The following CRMP1 variants were observed in gnomAD, a reference collection of about 807,000 sequenced individuals.
CRMP1 encodes the protein collapsin response mediator protein 1, also known as dihydropyrimidinase-related protein 1.
A neutral mutation model predicts 68.3 loss-of-function variants in CRMP1; 19 were observed. The observed-to-expected ratio is 0.28, with a 90% CI of 0.19 to 0.41. CRMP1 has a LOEUF of 0.41. Ranked by LOEUF, CRMP1 falls within the 10% of genes least tolerant of loss-of-function variation. The probability of loss-of-function intolerance (pLI) is 1.00; values close to 1 mark genes in which losing one functional copy is unlikely to be tolerated. For synonymous variants in CRMP1, 439 were observed against 399.6 expected, an observed-to-expected ratio of 1.10 and a Z score of -1.18; for missense variants, 791 against 967.4, an observed-to-expected ratio of 0.82 and a Z score of 2.42.
intron 3 of CRMP1, 34 bp from the exon 4 acceptor site, chr4:5,856,341 G>C: frequency 1.2e-6 from 2 of 1,602,718 alleles, no homozygotes; most frequent in Non-Finnish European, 8.5e-7. Context: ...TGATGCTTCA[G>C]ACTCAAGTGT....
intron 1 of CRMP1, among the ~76,000 whole-genome samples, chr4:5,876,700 C>T (rs1577837817): frequency 6.6e-6 from 1 of 152,076 alleles, no homozygotes; most frequent in Non-Finnish European, 1.5e-5. Flanking sequence ...AGCTGATATT[C>T]GCAATTCAAA....
intron 11 of CRMP1, among the ~76,000 whole-genome samples, chr4:5,830,602 A>G (rs113349605): frequency 5.9e-5 from 9 of 152,320 alleles, no homozygotes; most frequent in African/African-American, 1.9e-4. Flanking sequence ...ATCGTTTCCT[A>G]ATTCTAATTG....
rs1242016505 is a variant in CRMP1 at position 5,843,534 on chromosome 4, T to C, written c.964-373A>G. ...GTGGTGTTTGGGTACAACATGGATATCTTCAACTAGGAATCCTACTCTAGT... is the reference window on the plus strand; with the variant it reads ...GTGGTGTTTGGGTACAACATGGATACCTTCAACTAGGAATCCTACTCTAGT... On this transcript the variant is annotated intron_variant, in intron 6 of 13. Transcript: ENST00000324989. The surrounding 1 kb of genome is among the most constrained non-coding windows in gnomAD (Gnocchi z 4.1). Among the ~76,000 whole-genome samples, 2 of 152,096 alleles carry C rather than the reference T, an allele frequency of 1.3e-5. No homozygotes were observed. Among genetic ancestry groups the C allele is most frequent in the Non-Finnish European group, 2.9e-5 (2 of 68,018 alleles).
In CRMP1 at chr4:5,835,966, G is replaced by T. The variant is rs61034456; in HGVS notation, c.1572C>A (p.Val524=). Residue 524 remains valine, a synonymous_variant, in exon 11 of 14, where the codon GTC becomes GTA. Coordinates refer to ENST00000324989, the MANE Select transcript of CRMP1 (RefSeq NM_001014809.3). ...RIAVGSDADV[V]IWDPDKLKTI... ...TCTTCAACTTGTCGGGGTCCCAGAT[G>T]ACCACGTCGGCATCCGAGCCCACGG... 3,372 of 1,594,474 alleles carry T rather than the reference G, an allele frequency of 2.1e-3. 65 individuals are homozygous for T. In the African/African-American group the frequency reaches 0.037, roughly 18 times the overall value.
chr4:5,872,065 T>C lies in CRMP1; in HGVS notation c.382-5309A>G, dbSNP rs1436343253. On this transcript the variant is annotated intron_variant, in intron 1 of 13. Transcript: ENST00000324989. This position sits in a 1 kb window ranked among gnomAD's most constrained non-coding sequence, Gnocchi z 4.6. ...GTCCAGCATTCCAGCCACCAAGCCA[T>C]GCTTCTGTCCCATGTTTAAACATTC... Among the ~76,000 whole-genome samples the C allele has an allele frequency of 6.6e-6, 1 of 152,144 alleles. No homozygotes were observed. Among genetic ancestry groups the C allele is most frequent in the Non-Finnish European group, 1.5e-5 (1 of 68,034 alleles).
rs548521299 is a variant in CRMP1 at position 5,844,803 on chromosome 4, G to C, written c.964-1642C>G. Among the ~76,000 whole-genome samples, 9 of 151,334 alleles carry C rather than the reference G, an allele frequency of 5.9e-5. 1 individual carries two copies. The highest frequency in any genetic ancestry group is 2.2e-4 in the African/African-American group (9 of 41,150). ...AAACTGTGTAGCAGTAACCACTAAC[G>C]CTGAATCTACACACACCCTAGGACC... On this transcript the variant is annotated intron_variant, in intron 6 of 13. Transcript: ENST00000324989.
intron 13 of CRMP1, chr4:5,824,206 G>T: frequency 1.3e-6 from 1 of 761,862 alleles, no homozygotes; most frequent in Non-Finnish European, 1.6e-6. Flanking sequence ...CAAACTCCTT[G>T]AGAGCTTGTG....
rs76421762 is a variant in CRMP1 at position 5,839,031 on chromosome 4, G to A, written c.1310+491C>T. ...TGAGGTGCTGGGCTCCACAGTGTGC[G>A]TGCACCACAGCAAGTGTGCTGCAGG... On this transcript the variant is annotated intron_variant, in intron 9 of 13. Coordinates refer to ENST00000324989, the MANE Select transcript of CRMP1 (RefSeq NM_001014809.3). 2.0e-3 allele frequency among the ~76,000 whole-genome samples: 309 copies of A among 152,312 alleles called. 2 individuals are homozygous for A. Among genetic ancestry groups the A allele is most frequent in the African/African-American group, 6.5e-3 (272 of 41,580 alleles).
chr4:5,825,421 C>T lies in CRMP1; in HGVS notation c.1969+73G>A, dbSNP rs894089180. 42 of 1,495,222 alleles carry T rather than the reference C, an allele frequency of 2.8e-5. No individual in the cohort carries two copies. The South Asian group carries it at 5.2e-4, about 18-fold the overall frequency. 92.6% of individuals were successfully genotyped at this position (1,495,222 alleles called of 1,614,324 possible). ...GTGTCCAAGGCCACGTGTCCATTTCCTCAGAAGCAGCAGGAAGGACTCGGC... is the reference window on the plus strand; with the variant it reads ...GTGTCCAAGGCCACGTGTCCATTTCTTCAGAAGCAGCAGGAAGGACTCGGC... On this transcript the variant is annotated intron_variant, in intron 13 of 13. Transcript: ENST00000324989. This position sits in a 1 kb window ranked among gnomAD's most constrained non-coding sequence, Gnocchi z 4.4.
intron 6 of CRMP1, among the ~76,000 whole-genome samples, chr4:5,846,387 G>A (rs1159365132): frequency 6.6e-6 from 1 of 152,224 alleles, no homozygotes; most frequent in Non-Finnish European, 1.5e-5. Context: ...CAGGGCCTCT[G>A]GGAAGCTTGC....
rs1713267006 is a variant in CRMP1, at chr4:5,858,103, A to G, written c.656-1796T>C. Among the ~76,000 whole-genome samples the G allele has an allele frequency of 6.6e-6, 1 of 152,124 alleles. No homozygotes were observed. The highest frequency in any genetic ancestry group is 6.5e-5 in the Admixed American group (1 of 15,276). On this transcript the variant is annotated intron_variant, in intron 3 of 13. Coordinates refer to ENST00000324989, the MANE Select transcript of CRMP1 (RefSeq NM_001014809.3). This position sits in a 1 kb window ranked among gnomAD's most constrained non-coding sequence, Gnocchi z 5.5. ...AGTCTCTTGGCCTCTCAGGGCACAG[A>G]GAGTCCCTCCCTCCTTCCTTAAACT...
intron 12 of CRMP1, among the ~76,000 whole-genome samples, chr4:5,827,714 CAT>C (rs201912433): frequency 0.014 from 2,106 of 148,552 alleles, 26 homozygotes; most frequent in South Asian, 0.041. Flanking sequence ...CACGCATAGA[CAT>C]ACACACATGT....
At chr4:5,868,261 C>CTATATCTATATA (rs1553907487) in intron 1 of CRMP1, among the ~76,000 whole-genome samples, 6 of 111,458 alleles carry the variant, frequency 5.4e-5, no homozygotes, top group African/African-American at 1.7e-4. Context: ...GACTATATAT[C>CTATATCTATATA]TATATATATA....
In CRMP1 at chr4:5,825,815, T is replaced by TCA. The variant is rs1719484402; in HGVS notation, c.1804-158_1804-157dup. On this transcript the variant is annotated intron_variant, in intron 12 of 13. Transcript: ENST00000324989. This position sits in a 1 kb window ranked among gnomAD's most constrained non-coding sequence, Gnocchi z 4.4. The stretch of plus-strand genomic sequence containing the variant: ...AACACGCACACACGACAGGTGCACT[T>TCA]CACACACATGCAGCCGCACACAGGC... The TCA allele has an allele frequency of 4.0e-5, 28 of 693,414 alleles. 1 individual carries two copies. In the South Asian group the frequency reaches 5.3e-4, roughly 13 times the overall value. The allele number at this position is 693,414 out of a possible 1,614,324, so 43.0% of individuals were successfully genotyped here. A position where few individuals can be genotyped will look rare whatever the true frequency, so the allele number is the denominator to read the frequency against.
At position 5,825,896 on chromosome 4, in the gene CRMP1, T is replaced by C. The variant is rs73206229; in HGVS notation, c.1804-237A>G. 18,835 of 532,272 alleles carry C rather than the reference T, an allele frequency of 0.035. 435 individuals are homozygous for C. Among genetic ancestry groups the C allele is most frequent in the African/African-American group, 0.056 (2,820 of 50,112 alleles). The allele number at this position is 532,272 out of a possible 1,614,324, so 33.0% of individuals were successfully genotyped here. On this transcript the variant is annotated intron_variant, in intron 12 of 13. Coordinates refer to ENST00000324989, the MANE Select transcript of CRMP1 (RefSeq NM_001014809.3). This position sits in a 1 kb window ranked among gnomAD's most constrained non-coding sequence, Gnocchi z 4.4. ...ATCTACATACCCACATGCATACACA[T>C]ACAGACGCACACACCACGCACACGC...
At position 5,825,672 on chromosome 4, in the gene CRMP1, A is replaced by C. The variant is rs770635834; in HGVS notation, c.1804-13T>G. 2.5e-6 allele frequency: 4 copies of C among 1,612,128 alleles called. No homozygotes were observed. Among genetic ancestry groups the C allele is most frequent in the African/African-American group, 1.3e-5 (1 of 74,812 alleles). On this transcript the variant is annotated splice_polypyrimidine_tract_variant and intron_variant, in intron 12 of 13. Transcript: ENST00000324989. This position sits in a 1 kb window ranked among gnomAD's most constrained non-coding sequence, Gnocchi z 4.4. ...GCAATCCAAAAACCTAAACAGAGGA[A>C]GGGAGAGTGTGATTGATCGACACTG... is the stretch of plus-strand genomic sequence containing the variant.
intron 12 of CRMP1, 128 bp downstream of exon 12, chr4:5,828,361 A>G: frequency 6.9e-7 from 1 of 1,441,324 alleles, no homozygotes; most frequent in Non-Finnish European, 9.1e-7. Context: ...CCCATTTAAC[A>G]GATAAGGAAA....
intron 2 of CRMP1, among the ~76,000 whole-genome samples, chr4:5,863,341 G>A (rs1160627239): frequency 6.6e-6 from 1 of 152,064 alleles, no homozygotes; most frequent in Non-Finnish European, 1.5e-5. Flanking sequence ...ACTCAGAGAG[G>A]TGTAGTGACT....
chr4:5,821,799 C>T lies in CRMP1; in HGVS notation c.2022G>A (p.Ala674=), dbSNP rs1718609750. The T allele has an allele frequency of 9.3e-6, 15 of 1,611,290 alleles. No individual in the cohort carries two copies. The highest frequency in any genetic ancestry group is 1.6e-4 in the Middle Eastern group (1 of 6,084). The part of the protein sequence containing the change: ...NPRRTGHRIV[A]PPGGRSNITS... ...TGATGTTGGAGCGGCCACCAGGGGG[C>T]GCCACGATGCGGTGGCCGGTGCGCC... The change falls in exon 14 of 14, where the codon GCG becomes GCA. Residue 674 remains alanine (A), a synonymous_variant. Transcript: ENST00000324989. The surrounding 1 kb of genome is among the most constrained non-coding windows in gnomAD (Gnocchi z 4.4).
Sources: gnomAD v4.1 joint callset for allele counts (sites outside exome capture counted in the v4.1 genomes callset) on GRCh38, gnomAD v4.1.1 for gene constraint, Gnocchi (gnomAD v3.1) non-coding constraint, MANE v1.5 for transcripts, NCBI Gene and HGNC (gene_info 2026-07-23, HGNC 2026-07-21) for gene names.